EPB42: variants seen among roughly 807,000 people sequenced by gnomAD.
EPB42 encodes the protein erythrocyte membrane protein band 4.2.
Under a neutral mutation model 76.9 loss-of-function variants are expected in EPB42, and 49 were observed. That is an observed-to-expected ratio of 0.64 (90% CI 0.51 to 0.81). The LOEUF (loss-of-function observed/expected upper bound fraction) is 0.81, where lower values mean the gene tolerates loss of function less well. Ranked by LOEUF, EPB42 falls within the 30% of genes least tolerant of loss-of-function variation. The probability of loss-of-function intolerance (pLI) is 0.00; values close to 1 mark genes in which losing one functional copy is unlikely to be tolerated. For missense variants in EPB42, 731 were observed against 867.6 expected (o/e 0.84, Z 1.98); for synonymous variants, 310 against 338.4 (o/e 0.92, Z 0.92).
chr15:43,199,679 G>T (rs1359904523), intron 12 of EPB42, among the ~76,000 whole-genome samples: 2 of 152,126 alleles, frequency 1.3e-5, no homozygotes, highest in African/African-American at 2.4e-5. Context: ...GAGGGGCCAG[G>T]GATGGAATGA....
intron 12 of EPB42, among the ~76,000 whole-genome samples, chr15:43,198,727 T>C (rs1275919415): frequency 6.6e-6 from 1 of 152,212 alleles, no homozygotes; most frequent in African/African-American, 2.4e-5. Context: ...GTCAGAGAAC[T>C]TCATGGCAGC....
upstream of EPB42, among the ~76,000 whole-genome samples, chr15:43,224,564 A>G (rs886764759): frequency 2.0e-5 from 3 of 152,256 alleles, no homozygotes; most frequent in African/African-American, 7.2e-5. Flanking sequence ...TATCATACAA[A>G]TGATCAAACA....
chr15:43,207,197 A>C lies in EPB42; in HGVS notation c.1318+2T>G. The C allele has an allele frequency of 1.9e-6, 3 of 1,613,690 alleles. No homozygotes were observed. Among genetic ancestry groups the C allele is most frequent in the Non-Finnish European group, 2.5e-6 (3 of 1,179,788 alleles). On this transcript the variant is annotated splice_donor_variant, in intron 9 of 12. Transcript: ENST00000441366. LOFTEE classifies it high-confidence loss of function. ...AGCCTGGGGCCCTTCCCTGGCCCGT[A>C]CCTTCAGGATACTTGTAGTTCTGAG...
In EPB42 at chr15:43,209,166, A is replaced by G. The variant is rs1019053513; in HGVS notation, c.832+108T>C. On this transcript the variant is annotated intron_variant, in intron 6 of 12. Transcript: ENST00000441366. ...TACTTCTGTGTGATGAGATGGGGAA[A>G]TGCGGCCGCAGGGAGGCAGCACCTG... The G allele has an allele frequency of 2.4e-6, 3 of 1,275,660 alleles. No homozygotes were observed. In the African/African-American group the frequency reaches 4.4e-5, roughly 19 times the overall value. The allele number at this position is 1,275,660 out of a possible 1,614,324, so 79.0% of individuals were successfully genotyped here.
At chr15:43,224,664 G>T (rs1276361120), upstream of EPB42, among the ~76,000 whole-genome samples, 1 of 152,088 alleles carries the variant, frequency 6.6e-6, no homozygotes, top group Non-Finnish European at 1.5e-5. Context: ...CCATGCATAA[G>T]GTATTAGGTA....
At chr15:43,216,135 C>G in intron 2 of EPB42, 133 bp downstream of exon 2, 1 of 1,088,888 alleles carries the variant, frequency 9.2e-7, no homozygotes, top group East Asian at 2.6e-5. Flanking sequence ...GACTGCCCTG[C>G]CAGGTGGGCA....
intron 5 of EPB42, among the ~76,000 whole-genome samples, chr15:43,209,865 G>A (rs755652434): frequency 6.6e-6 from 1 of 152,226 alleles, no homozygotes; most frequent in Non-Finnish European, 1.5e-5. Context: ...GGACTTCAGC[G>A]GCAAAGAGGG....
At chr15:43,209,657 C>T (rs1185916587) in intron 5 of EPB42, 1 of 555,908 alleles carries the variant, frequency 1.8e-6, no homozygotes, top group Admixed American at 3.4e-5. Flanking sequence ...GCCCAGGACC[C>T]TCCTTCTTAA....
chr15:43,224,916 C>T (rs1301953192), upstream of EPB42, among the ~76,000 whole-genome samples: 1 of 152,240 alleles, frequency 6.6e-6, no homozygotes, highest in Non-Finnish European at 1.5e-5. Context: ...GCTGGGACTA[C>T]AGGCATGTGC....
At chr15:43,216,599 C>G (rs2042383234) in intron 1 of EPB42, 146 bp from the exon 2 acceptor site, 5 of 776,324 alleles carry the variant, frequency 6.4e-6, no homozygotes, top group African/African-American at 1.7e-5. Flanking sequence ...AGTAACTTAA[C>G]CACCCTGAGC....
chr15:43,203,700 C>G (rs954787455), intron 10 of EPB42, among the ~76,000 whole-genome samples: 1 of 152,056 alleles, frequency 6.6e-6, no homozygotes, highest in Admixed American at 6.5e-5. Context: ...AGGTATCCCC[C>G]CTGCCTAAGT....
Position 43,206,627 on chromosome 15 carries a change from A to G in EPB42, c.1321T>C (p.Ser441Pro). 6.2e-7 allele frequency: 1 copy of G among 1,613,990 alleles called. No individual in the cohort carries two copies. Among genetic ancestry groups the G allele is most frequent in the Non-Finnish European group, 8.5e-7 (1 of 1,179,980 alleles). ...TCCAGCACCTCTTTTTCCTGAAGAG[A>G]CCCTGGAGAAGGGAAGAAACAAAGC... Reference protein sequence around the residue: ...ITQNYKYPEGSLQEKEVLERV... With the variant: ...ITQNYKYPEGPLQEKEVLERV... Residue 441 changes from serine to proline, a missense_variant and splice_region_variant, in exon 10 of 13, where the codon TCT becomes CCT. Ser to Pro is a moderately conservative substitution (Grantham distance 74). Transcript: ENST00000441366. The surrounding 1 kb of genome is among the most constrained non-coding windows in gnomAD (Gnocchi z 4.7).
At chr15:43,224,677 T>C (rs1317433170), upstream of EPB42, among the ~76,000 whole-genome samples, 2 of 152,248 alleles carry the variant, frequency 1.3e-5, no homozygotes, top group South Asian at 4.1e-4. Flanking sequence ...ATTAGGTAGA[T>C]AAATTATGGA....
chr15:43,199,803 A>T (rs1378633622), intron 12 of EPB42, among the ~76,000 whole-genome samples: 1 of 152,028 alleles, frequency 6.6e-6, no homozygotes, highest in African/African-American at 2.4e-5. Flanking sequence ...TTCCCATGCT[A>T]TTCTTGTGAT....
At chr15:43,208,170 C>T (rs1240037227) in intron 8 of EPB42, 60 bp downstream of exon 8, 2 of 1,503,678 alleles carry the variant, frequency 1.3e-6, no homozygotes, top group Non-Finnish European at 1.8e-6. Flanking sequence ...CCCGAGTCCT[C>T]TCTGGGGACT....
At chr15:43,207,966 C>T (rs2042230518) in intron 8 of EPB42, among the ~76,000 whole-genome samples, 2 of 152,322 alleles carry the variant, frequency 1.3e-5, no homozygotes, top group African/African-American at 4.8e-5. Flanking sequence ...AGATCCTCTG[C>T]CCTTCACTGT....
intron 6 of EPB42, among the ~76,000 whole-genome samples, 181 bp from the exon 7 acceptor site, chr15:43,208,956 T>C (rs1176231560): frequency 6.6e-6 from 1 of 152,074 alleles, no homozygotes; most frequent in African/African-American, 2.4e-5. Flanking sequence ...AGGCACAGGT[T>C]CCACCGCATG....
intron 3 of EPB42, among the ~76,000 whole-genome samples, chr15:43,213,694 C>T (rs1183938845): frequency 2.0e-5 from 3 of 152,230 alleles, no homozygotes; most frequent in Non-Finnish European, 4.4e-5. Context: ...TTCTGCCAGT[C>T]ATGGAAAGTC....
At chr15:43,225,457 A>G (rs2142340606), upstream of EPB42, among the ~76,000 whole-genome samples, 1 of 152,268 alleles carries the variant, frequency 6.6e-6, no homozygotes, top group East Asian at 1.9e-4. Context: ...GTTCTAGCAA[A>G]GAGAATCTTC....
Sources: allele counts gnomAD v4.1 joint callset (sites outside exome capture counted in the v4.1 genomes callset), GRCh38; gene constraint gnomAD v4.1.1; non-coding constraint Gnocchi (gnomAD v3.1); transcripts MANE v1.5; gene names NCBI Gene and HGNC (gene_info 2026-07-23, HGNC 2026-07-21).